TLK2: variants seen among roughly 807,000 people sequenced by gnomAD.
TLK2 encodes the protein serine/threonine-protein kinase tousled-like 2.
A neutral mutation model predicts 117.3 loss-of-function variants in TLK2; 6 were observed. The observed-to-expected ratio is 0.05, with a 90% confidence interval of 0.03 to 0.10. TLK2 has a LOEUF of 0.10. Ranked by LOEUF, TLK2 falls within the 10% of genes least tolerant of loss-of-function variation. The probability of loss-of-function intolerance (pLI) is 1.00; values close to 1 mark genes in which losing one functional copy is unlikely to be tolerated. For synonymous variants in TLK2, 257 were observed against 316.7 expected (o/e 0.81, Z 2.00); for missense variants, 299 against 901.2 (o/e 0.33, Z 8.56).
chr17:62,529,206 C>T (rs1280530524), intron 6 of TLK2, among the ~76,000 whole-genome samples: 1 of 152,050 alleles, frequency 6.6e-6, no homozygotes, highest in African/African-American at 2.4e-5. Flanking sequence ...TGACTCTCTT[C>T]ATCTCTTTAA....
intron 10 of TLK2, among the ~76,000 whole-genome samples, chr17:62,562,612 A>G (rs547766228): frequency 6.6e-5 from 10 of 152,304 alleles, no homozygotes; most frequent in African/African-American, 1.9e-4. Flanking sequence ...GTGAGATAGT[A>G]CTACAAACCC....
intron 7 of TLK2, among the ~76,000 whole-genome samples, chr17:62,538,129 G>A (rs1380755963): frequency 3.5e-5 from 5 of 143,072 alleles, no homozygotes; most frequent in African/African-American, 7.8e-5. Flanking sequence ...TCTGCCTCTC[G>A]GGTTCACGCC....
At chr17:62,540,066 C>T (rs936384259) in intron 7 of TLK2, among the ~76,000 whole-genome samples, 1 of 147,884 alleles carries the variant, frequency 6.8e-6, no homozygotes, top group African/African-American at 2.5e-5. Context: ...CTTCTTCTTT[C>T]TCCTTTCTTC....
chr17:62,531,135 C>T (rs1203033470), intron 6 of TLK2, among the ~76,000 whole-genome samples: 4 of 152,068 alleles, frequency 2.6e-5, no homozygotes, highest in South Asian at 2.1e-4. Context: ...ATCTTTCATC[C>T]GTTCTGAATA....
At chr17:62,524,606 A>G (rs570750619) in intron 6 of TLK2, among the ~76,000 whole-genome samples, 4 of 152,278 alleles carry the variant, frequency 2.6e-5, no homozygotes, top group African/African-American at 9.6e-5. Context: ...CAATCGAAAC[A>G]TTAGGTTTTT....
chr17:62,585,163 G>A (rs1368324606), intron 15 of TLK2, among the ~76,000 whole-genome samples: 2 of 152,220 alleles, frequency 1.3e-5, no homozygotes, highest in Non-Finnish European at 2.9e-5. Flanking sequence ...TGGCAGTGGT[G>A]GCCATTGGGG....
upstream of TLK2, among the ~76,000 whole-genome samples, chr17:62,475,344 T>C (rs1413225161): frequency 6.6e-6 from 1 of 151,952 alleles, no homozygotes; most frequent in Non-Finnish European, 1.5e-5. Flanking sequence ...AGAATAACAA[T>C]AATAATAATT....
upstream of TLK2, among the ~76,000 whole-genome samples, chr17:62,478,627 C>T (rs1346251952): frequency 6.6e-6 from 1 of 150,876 alleles, no homozygotes; most frequent in Non-Finnish European, 1.5e-5. Context: ...CCCTGGTTAA[C>T]CCCTGCCCGG....
At position 62,520,759 on chromosome 17, in the gene TLK2, T is replaced by C. The variant is rs1156510051; in HGVS notation, c.82-14T>C. The C allele has an allele frequency of 6.2e-7, 1 of 1,610,112 alleles. No individual in the cohort carries two copies. The highest frequency in any genetic ancestry group is 1.3e-5 in the African/African-American group (1 of 74,616). On this transcript the variant is annotated splice_polypyrimidine_tract_variant and intron_variant, in intron 2 of 21. Coordinates refer to ENST00000346027, the MANE Select transcript of TLK2 (RefSeq NM_006852.6). The stretch of plus-strand genomic sequence containing the variant: ...GATTAAAATTTATTTATTTATGATT[T>C]TTTTTTCTTTCAGGGACCACTTAAT...
At chr17:62,582,350 G>A (rs565872670) in intron 15 of TLK2, among the ~76,000 whole-genome samples, 4 of 152,022 alleles carry the variant, frequency 2.6e-5, no homozygotes, top group Non-Finnish European at 5.9e-5. Flanking sequence ...CAAAGTGCTA[G>A]GATTACAGCC....
In TLK2 at chr17:62,549,418, A is replaced by AAAAAAAAAAAAAAAAAAAAAAAAAAAG. The variant is rs1598512121; in HGVS notation, c.532-2865_532-2864insAAAAAAAGAAAAAAAAAAAAAAAAAAA. 3.5e-4 allele frequency among the ~76,000 whole-genome samples: 3 copies of AAAAAAAAAAAAAAAAAAAAAAAAAAAG among 8,536 alleles called. 1 individual carries two copies. The highest frequency in any genetic ancestry group is 2.9e-3 in the Admixed American group (1 of 340). The allele number at this position is 8,536 out of a possible 152,430, so 5.6% of individuals were successfully genotyped here. A position where few individuals can be genotyped will look rare whatever the true frequency, so the allele number is the denominator to read the frequency against. On this transcript the variant is annotated intron_variant, in intron 7 of 21. Coordinates refer to ENST00000346027, the MANE Select transcript of TLK2 (RefSeq NM_006852.6). ...CATCTCAAAAAAAAAAAAAAAAAAAAAAAAAAAAAAAAAAAAAAATAGAAA... is the reference window on the plus strand; with the variant it reads ...CATCTCAAAAAAAAAAAAAAAAAAAAAAAAAAAAAAAAAAAAAAAAAAAAAAGAAAAAAAAAAAAAAAAAAATAGAAA...
chr17:62,510,916 T>C (rs2075092087), intron 2 of TLK2, among the ~76,000 whole-genome samples: 1 of 152,198 alleles, frequency 6.6e-6, no homozygotes, highest in African/African-American at 2.4e-5. Context: ...ATCATTATTA[T>C]TACTTTACAA....
chr17:62,481,496 T>C (rs2071645352), intron 2 of TLK2, among the ~76,000 whole-genome samples: 1 of 152,254 alleles, frequency 6.6e-6, no homozygotes, highest in Non-Finnish European at 1.5e-5. Context: ...ATAGATTCTA[T>C]GCCATATTTT....
chr17:62,482,997 G>A (rs1162968948), intron 2 of TLK2, among the ~76,000 whole-genome samples: 4 of 152,244 alleles, frequency 2.6e-5, no homozygotes, highest in African/African-American at 9.6e-5. Flanking sequence ...CTTTAGAGTG[G>A]CTGTGCCCCT....
At chr17:62,587,093 A>C (rs1473162379) in intron 16 of TLK2, among the ~76,000 whole-genome samples, 1 of 151,608 alleles carries the variant, frequency 6.6e-6, no homozygotes, top group Non-Finnish European at 1.5e-5. Context: ...CTTCATCTGT[A>C]CTTGGGATGT....
intron 1 of TLK2, among the ~76,000 whole-genome samples, chr17:62,472,660 TC>T (rs889088250): frequency 3.3e-5 from 5 of 150,354 alleles, no homozygotes; most frequent in African/African-American, 1.2e-4. Context: ...ATCTCTTGAA[TC>T]CAGGAGGCCC....
At chr17:62,490,423 T>A (rs2072989916) in intron 2 of TLK2, among the ~76,000 whole-genome samples, 1 of 152,248 alleles carries the variant, frequency 6.6e-6, no homozygotes, top group East Asian at 1.9e-4. Flanking sequence ...CCCATGGGTC[T>A]TCTAATGTAT....
At chr17:62,488,820 A>ATTTT (rs36026309) in intron 2 of TLK2, among the ~76,000 whole-genome samples, 7 of 99,770 alleles carry the variant, frequency 7.0e-5, no homozygotes, top group Non-Finnish European at 9.7e-5. Flanking sequence ...GGCCTTGAAG[A>ATTTT]TTTTTTTTTT....
chr17:62,481,232 CTA>C, intron 2 of TLK2, 26 bp downstream of exon 2: 1 of 1,611,466 alleles, frequency 6.2e-7, no homozygotes, highest in Non-Finnish European at 8.5e-7. Flanking sequence ...ATCATGAACA[CTA>C]TTCATATTCT....
Sources: allele counts gnomAD v4.1 joint callset (sites outside exome capture counted in the v4.1 genomes callset), GRCh38; gene constraint gnomAD v4.1.1; transcripts MANE v1.5; gene names NCBI Gene and HGNC (gene_info 2026-07-23, HGNC 2026-07-21).